The following FBXL7 variants were observed in gnomAD, a reference collection of about 807,000 sequenced individuals.
FBXL7 encodes the protein F-box/LRR-repeat protein 7.
In FBXL7, 12 loss-of-function variants were observed where a neutral mutation model predicts 38.3. The ratio of observed to expected loss-of-function variants is 0.31; its 90% CI spans 0.20 to 0.51. The LOEUF is 0.51. Ranked by LOEUF, FBXL7 falls within the 20% of genes least tolerant of loss-of-function variation. The pLI is 0.98. For missense variants in FBXL7, 567 were observed against 676.4 expected (o/e 0.84, Z 1.79); for synonymous variants, 297 against 300.9 (o/e 0.99, Z 0.13).
At chr5:15,676,768 A>G (rs559632812) in intron 2 of FBXL7, among the ~76,000 whole-genome samples, 242 of 152,330 alleles carry the variant, frequency 1.6e-3, no homozygotes, top group Non-Finnish European at 3.0e-3. Context: ...TTTCTTGAGC[A>G]TTTGAAGCAG....
At chr5:15,662,643 GA>G (rs1275272983) in intron 2 of FBXL7, among the ~76,000 whole-genome samples, 3 of 152,082 alleles carry the variant, frequency 2.0e-5, no homozygotes, top group Non-Finnish European at 4.4e-5. Context: ...GCTTTACATT[GA>G]AGTCTTTAAT....
chr5:15,819,877 C>G (rs1429473869), intron 2 of FBXL7, among the ~76,000 whole-genome samples: 1 of 152,088 alleles, frequency 6.6e-6, no homozygotes, highest in Non-Finnish European at 1.5e-5. Flanking sequence ...TCGTGGTATC[C>G]CAGCTTGAGT....
intron 2 of FBXL7, among the ~76,000 whole-genome samples, chr5:15,767,450 C>T (rs1266671469): frequency 6.6e-6 from 1 of 152,116 alleles, no homozygotes; most frequent in Non-Finnish European, 1.5e-5. Context: ...GTGAGGAAGG[C>T]TACAGCTCGG....
intron 2 of FBXL7, among the ~76,000 whole-genome samples, chr5:15,802,458 C>A (rs1191638460): frequency 6.6e-6 from 1 of 152,060 alleles, no homozygotes; most frequent in African/African-American, 2.4e-5. Context: ...CAGTGTCCAG[C>A]CATGTATCTC....
chr5:15,577,594 T>TTGTGTG lies in FBXL7; in HGVS notation c.38-38351_38-38346dup, dbSNP rs34405217. ...ATGAATCATTACTATGTAATGCATT[T>TTGTGTG]TGTGTGTGTGTGTGTGTGTGTGTGT... On this transcript the variant is annotated intron_variant, in intron 1 of 3. Transcript: ENST00000504595. Among the ~76,000 whole-genome samples, 73 of 147,682 alleles carry TTGTGTG rather than the reference T, an allele frequency of 4.9e-4. 1 individual carries two copies. The highest frequency in any genetic ancestry group is 6.9e-3 in the Middle Eastern group (2 of 290).
At chr5:15,670,221 T>C (rs1203600229) in intron 2 of FBXL7, among the ~76,000 whole-genome samples, 1 of 152,226 alleles carries the variant, frequency 6.6e-6, no homozygotes, top group Non-Finnish European at 1.5e-5. Flanking sequence ...AGCTAAAAGC[T>C]CTTTCTTCCA....
chr5:15,675,619 G>A (rs927691255), intron 2 of FBXL7, among the ~76,000 whole-genome samples: 33 of 152,154 alleles, frequency 2.2e-4, no homozygotes, highest in African/African-American at 8.0e-4. Flanking sequence ...TCTCTCAGGG[G>A]GCTTCCATTC....
intron 2 of FBXL7, among the ~76,000 whole-genome samples, chr5:15,924,563 C>T (rs978594651): frequency 1.3e-5 from 2 of 151,668 alleles, no homozygotes; most frequent in African/African-American, 4.8e-5. Context: ...CCAAGCTGGC[C>T]TTGGTTGAGC....
chr5:15,698,657 C>A (rs1166532290), intron 2 of FBXL7, among the ~76,000 whole-genome samples: 4 of 152,086 alleles, frequency 2.6e-5, no homozygotes, highest in African/African-American at 9.7e-5. Flanking sequence ...TTCTTTTTCT[C>A]TTTCTGTAAG....
intron 2 of FBXL7, among the ~76,000 whole-genome samples, chr5:15,859,829 A>G (rs532057438): frequency 6.6e-6 from 1 of 152,312 alleles, no homozygotes; most frequent in East Asian, 1.9e-4. Context: ...CAAGGCTGAG[A>G]AACCCTGACC....
intron 2 of FBXL7, among the ~76,000 whole-genome samples, chr5:15,840,712 T>G (rs1445295807): frequency 6.6e-6 from 1 of 151,872 alleles, no homozygotes; most frequent in Non-Finnish European, 1.5e-5. Flanking sequence ...CTGGGCACGG[T>G]GGCACGCGCT....
intron 1 of FBXL7, among the ~76,000 whole-genome samples, chr5:15,522,359 GTTTA>G (rs1203349086): frequency 2.0e-5 from 3 of 152,232 alleles, no homozygotes; most frequent in East Asian, 1.9e-4. Flanking sequence ...GCCCAGTTTG[GTTTA>G]TTTGTTTCTC....
At chr5:15,861,380 A>G (rs1433855248) in intron 2 of FBXL7, among the ~76,000 whole-genome samples, 5 of 152,222 alleles carry the variant, frequency 3.3e-5, no homozygotes, top group Non-Finnish European at 1.5e-5. Flanking sequence ...TGTCAAGCCA[A>G]AGCCCTCTCT....
intron 2 of FBXL7, among the ~76,000 whole-genome samples, chr5:15,706,490 A>G (rs972658843): frequency 6.6e-6 from 1 of 152,226 alleles, no homozygotes; most frequent in Non-Finnish European, 1.5e-5. Flanking sequence ...ACAGTCTCAG[A>G]TATTCCATTT....
In FBXL7 at chr5:15,939,064, T is replaced by C. The variant is rs1742276241; in HGVS notation, c.*1878T>C. The C allele has an allele frequency of 5.0e-6, 2 of 398,950 alleles. No homozygotes were observed. The highest frequency in any genetic ancestry group is 2.5e-4 in the South Asian group (2 of 7,866). The allele number at this position is 398,950 out of a possible 1,614,324, so 24.7% of individuals were successfully genotyped here. A position where few individuals can be genotyped will look rare whatever the true frequency, so the allele number is the denominator to read the frequency against. On this transcript the variant is annotated 3_prime_UTR_variant, in exon 4 of 4. Coordinates refer to ENST00000504595, the MANE Select transcript of FBXL7 (RefSeq NM_012304.5). Reference sequence around the variant, plus strand: ...CTGTAGGCTCCTGTGCATACTGTCGTCTTCTGTGGGGGATGGAGAGGTTAG... The same window carrying C: ...CTGTAGGCTCCTGTGCATACTGTCGCCTTCTGTGGGGGATGGAGAGGTTAG...
At chr5:15,740,605 G>A (rs1735871222) in intron 2 of FBXL7, among the ~76,000 whole-genome samples, 1 of 152,174 alleles carries the variant, frequency 6.6e-6, no homozygotes, top group Non-Finnish European at 1.5e-5. Context: ...AATCACAAAT[G>A]AGGGTGTTTA....
intron 2 of FBXL7, among the ~76,000 whole-genome samples, chr5:15,698,274 A>G (rs1422541679): frequency 6.6e-6 from 1 of 152,202 alleles, no homozygotes. Flanking sequence ...ATCCCATCCC[A>G]GTAGCCATCA....
chr5:15,607,563 G>A (rs1391937764), intron 1 of FBXL7, among the ~76,000 whole-genome samples: 3 of 152,110 alleles, frequency 2.0e-5, no homozygotes, highest in Admixed American at 6.6e-5. Context: ...TAAAAGAAAC[G>A]TAAAGTCCCT....
Position 15,922,304 on chromosome 5 carries a change from T to C in FBXL7, c.128-5586T>C, listed in dbSNP as rs145287113. 9.5e-4 allele frequency among the ~76,000 whole-genome samples: 144 copies of C among 152,270 alleles called. 1 individual carries two copies. The highest frequency in any genetic ancestry group is 1.9e-3 in the South Asian group (9 of 4,826). ...TATGTTCTGGAAGTTTTTTATGTGT[T>C]ATGAAAATGTACTGCTGTCTTAAAA... On this transcript the variant is annotated intron_variant, in intron 2 of 3. Transcript: ENST00000504595.
Sources: allele counts gnomAD v4.1 joint callset (sites outside exome capture counted in the v4.1 genomes callset), GRCh38; gene constraint gnomAD v4.1.1; transcripts MANE v1.5; gene names NCBI Gene and HGNC (gene_info 2026-07-23, HGNC 2026-07-21).